ADGRL3: variants seen among roughly 807,000 people sequenced by gnomAD.
The protein encoded by ADGRL3 is calcium-independent alpha-latrotoxin receptor 3.
ADGRL3 carries 62 observed loss-of-function variants against 153.5 expected under a neutral mutation model. The observed-to-expected ratio is 0.40, with a 90% confidence interval of 0.33 to 0.50. The LOEUF (loss-of-function observed/expected upper bound fraction) is 0.50, where lower values mean the gene tolerates loss of function less well. ADGRL3 is among the 20% of genes least tolerant of loss of function. ADGRL3 has a pLI of 0.47. For missense variants in ADGRL3, 1,641 were observed against 1,859.4 expected, an observed-to-expected ratio of 0.88 and a Z score of 2.16; for synonymous variants, 710 against 672.5, an observed-to-expected ratio of 1.06 and a Z score of -0.86.
intron 8 of ADGRL3, among the ~76,000 whole-genome samples, chr4:61,809,495 CAGA>C (rs2097584484): frequency 6.6e-6 from 1 of 151,976 alleles, no homozygotes; most frequent in African/African-American, 2.4e-5. Flanking sequence ...TCATAAAAGT[CAGA>C]TATTACCTCT....
At chr4:61,581,175 G>A (rs568291614) in intron 4 of ADGRL3, among the ~76,000 whole-genome samples, 132 of 152,026 alleles carry the variant, frequency 8.7e-4, no homozygotes, top group African/African-American at 3.1e-3. Flanking sequence ...ATTCAGAGAG[G>A]GCTGCTCATA....
At chr4:61,658,610 T>G (rs960004062) in intron 5 of ADGRL3, among the ~76,000 whole-genome samples, 2 of 152,298 alleles carry the variant, frequency 1.3e-5, no homozygotes, top group Admixed American at 6.5e-5. Flanking sequence ...AATCTCTGTA[T>G]TTGAGCCTTG....
chr4:61,741,742 A>T (rs1268559147), intron 8 of ADGRL3, among the ~76,000 whole-genome samples: 2 of 152,250 alleles, frequency 1.3e-5, no homozygotes, highest in Non-Finnish European at 2.9e-5. Context: ...AGCTGAACTT[A>T]ACTATACAGC....
intron 4 of ADGRL3, among the ~76,000 whole-genome samples, chr4:61,556,086 A>C (rs180740991): frequency 1.7e-3 from 266 of 152,288 alleles, no homozygotes; most frequent in Admixed American, 2.6e-3. Flanking sequence ...GCTCCTATTC[A>C]AGATGGATTT....
At chr4:61,840,497 T>C (rs559994193) in intron 9 of ADGRL3, among the ~76,000 whole-genome samples, 1 of 152,344 alleles carries the variant, frequency 6.6e-6, no homozygotes, top group South Asian at 2.1e-4. Flanking sequence ...ATGTACACTT[T>C]TTTGAGTCTA....
chr4:61,900,330 G>A (rs1391554293), intron 11 of ADGRL3, among the ~76,000 whole-genome samples: 3 of 152,164 alleles, frequency 2.0e-5, no homozygotes, highest in Admixed American at 2.0e-4. Flanking sequence ...ATCAGGCCAA[G>A]TGGAAGAAAA....
chr4:62,037,553 T>C (rs1027729508), intron 23 of ADGRL3, among the ~76,000 whole-genome samples, 178 bp from the exon 24 acceptor site: 1 of 152,046 alleles, frequency 6.6e-6, no homozygotes, highest in African/African-American at 2.4e-5. Flanking sequence ...AATTTCAAGC[T>C]TGACAGTATG....
chr4:62,064,746 T>C (rs1016029351), intron 25 of ADGRL3, among the ~76,000 whole-genome samples: 3 of 152,008 alleles, frequency 2.0e-5, no homozygotes, highest in Non-Finnish European at 2.9e-5. Context: ...AATGTGCCAT[T>C]GCAGAAAAGG....
rs2093688588 is a variant in ADGRL3 at position 61,641,799 on chromosome 4, C to G, written c.474-35027C>G. Among the ~76,000 whole-genome samples the G allele has an allele frequency of 1.0e-4, 15 of 150,648 alleles. No homozygotes were observed. In the South Asian group the frequency reaches 3.2e-3, roughly 32 times the overall value. Reference sequence around the variant, plus strand: ...TGATTTATAGTCCTTCGGGTATATACCCAGTAATGGGATGGCTGGGACAAA... The same window carrying G: ...TGATTTATAGTCCTTCGGGTATATAGCCAGTAATGGGATGGCTGGGACAAA... On this transcript the variant is annotated intron_variant, in intron 5 of 26. Coordinates refer to ENST00000683033, the MANE Select transcript of ADGRL3 (RefSeq NM_001387552.1).
chr4:61,819,751 A>G (rs754295714), intron 9 of ADGRL3, among the ~76,000 whole-genome samples: 2 of 152,108 alleles, frequency 1.3e-5, no homozygotes, highest in African/African-American at 4.8e-5. Context: ...TGCTTCAGAT[A>G]CTTTGCCATT....
chr4:61,870,602 A>G (rs1377178524), intron 9 of ADGRL3, among the ~76,000 whole-genome samples: 2 of 96,574 alleles, frequency 2.1e-5, no homozygotes, highest in Non-Finnish European at 4.6e-5. Flanking sequence ...TTACAACTCC[A>G]TAATAAAAGG....
intron 9 of ADGRL3, among the ~76,000 whole-genome samples, chr4:61,815,888 G>A (rs945547006): frequency 9.9e-5 from 15 of 152,282 alleles, no homozygotes; most frequent in South Asian, 4.2e-4. Flanking sequence ...AGCCCCTGAC[G>A]ATGGGCTTCT....
chr4:61,948,690 C>T (rs1032180604), intron 17 of ADGRL3, among the ~76,000 whole-genome samples: 10 of 152,222 alleles, frequency 6.6e-5, no homozygotes, highest in African/African-American at 2.4e-4. Flanking sequence ...GGGAAAGCAA[C>T]CCTCAAGCAC....
At chr4:61,639,431 T>C (rs72638527) in intron 5 of ADGRL3, among the ~76,000 whole-genome samples, 21,016 of 152,116 alleles carry the variant, frequency 0.14, 1,922 homozygotes, top group Non-Finnish European at 0.2. Flanking sequence ...AAAATAGGAT[T>C]GAACATTATT....
At chr4:61,465,758 A>ATATATATATAT (rs2097871895) in intron 2 of ADGRL3, among the ~76,000 whole-genome samples, 13 of 130,178 alleles carry the variant, frequency 1.0e-4, no homozygotes, top group Non-Finnish European at 1.8e-4. Flanking sequence ...ATTATATATA[A>ATATATATATAT]ATATATATAT....
chr4:61,254,209 C>T (rs979273286), intron 1 of ADGRL3, among the ~76,000 whole-genome samples: 29 of 152,258 alleles, frequency 1.9e-4, no homozygotes, highest in African/African-American at 7.0e-4. Flanking sequence ...ATTCACCGTA[C>T]AGTCCCCAAT....
chr4:61,359,197 C>T (rs746013078), intron 1 of ADGRL3, among the ~76,000 whole-genome samples: 7 of 152,054 alleles, frequency 4.6e-5, no homozygotes, highest in Non-Finnish European at 1.0e-4. Context: ...ACCAAACGAC[C>T]CTCATTACTC....
At chr4:61,358,800 A>T (rs552853126) in intron 1 of ADGRL3, among the ~76,000 whole-genome samples, 1 of 151,856 alleles carries the variant, frequency 6.6e-6, no homozygotes, top group Non-Finnish European at 1.5e-5. Context: ...TGTTTTCTAT[A>T]TTCACTTCCT....
Position 61,314,894 on chromosome 4 carries a change from A to G in ADGRL3, c.-239-68230A>G, listed in dbSNP as rs2095151699. On this transcript the variant is annotated intron_variant, in intron 1 of 26. Coordinates refer to ENST00000683033, the MANE Select transcript of ADGRL3 (RefSeq NM_001387552.1). ...GGTTAAGAAATTATGTTTATTAGCTATTTTTAATGGTTGGTTGGAAATTGA... is the reference window on the plus strand; with the variant it reads ...GGTTAAGAAATTATGTTTATTAGCTGTTTTTAATGGTTGGTTGGAAATTGA... 2.6e-5 allele frequency among the ~76,000 whole-genome samples: 4 copies of G among 152,300 alleles called. No homozygotes were observed. The East Asian group carries it at 7.7e-4, about 29-fold the overall frequency.
Sources: allele counts gnomAD v4.1 joint callset (sites outside exome capture counted in the v4.1 genomes callset), GRCh38; gene constraint gnomAD v4.1.1; transcripts MANE v1.5; gene names NCBI Gene and HGNC (gene_info 2026-07-23, HGNC 2026-07-21).